Variants in SIK3 observed in about 807,000 individuals in gnomAD.
SIK3 encodes SIK family kinase 3, also known as serine/threonine-protein kinase SIK3.
In SIK3, 28 loss-of-function variants were observed where a neutral mutation model predicts 144.2. The ratio of observed to expected loss-of-function variants is 0.19; its 90% CI spans 0.14 to 0.27. The LOEUF is 0.27. SIK3 is among the 10% of genes least tolerant of loss of function. The pLI, the probability that SIK3 is intolerant of heterozygous loss-of-function variation, is 1.00. For missense variants in SIK3, 1,319 were observed against 1,776.0 expected, an observed-to-expected ratio of 0.74 and a Z score of 4.62; for synonymous variants, 686 against 676.3, an observed-to-expected ratio of 1.01 and a Z score of -0.22.
intron 1 of SIK3, among the ~76,000 whole-genome samples, chr11:116,984,881 T>A (rs1346730914): frequency 6.6e-6 from 1 of 152,200 alleles, no homozygotes; most frequent in Non-Finnish European, 1.5e-5. Context: ...TAGCCTTGGA[T>A]CTCTGTGTAT....
At chr11:117,059,626 A>G (rs1184323610) in intron 1 of SIK3, among the ~76,000 whole-genome samples, 2 of 152,216 alleles carry the variant, frequency 1.3e-5, no homozygotes, top group African/African-American at 4.8e-5. Flanking sequence ...AAGCACTGGT[A>G]TCCAAAATAT....
At chr11:117,074,943 AC>A (rs1260674692) in intron 1 of SIK3, among the ~76,000 whole-genome samples, 1 of 151,796 alleles carries the variant, frequency 6.6e-6, no homozygotes, top group African/African-American at 2.4e-5. Flanking sequence ...AAAAAAAAAA[AC>A]AACTCAAATG....
intron 1 of SIK3, among the ~76,000 whole-genome samples, chr11:116,965,734 AAT>A (rs58587995): frequency 3.3e-3 from 386 of 118,158 alleles, no homozygotes; most frequent in East Asian, 0.011. Context: ...TCTCTGCTAA[AAT>A]ATATATATAT....
intron 3 of SIK3, 152 bp from the exon 4 acceptor site, chr11:116,927,532 C>T (rs1947341573): frequency 7.7e-6 from 5 of 647,406 alleles, no homozygotes; most frequent in Non-Finnish European, 1.1e-5. Context: ...TCCTGGTTTG[C>T]ATCTATCAAA....
intron 1 of SIK3, among the ~76,000 whole-genome samples, chr11:117,070,129 C>T (rs1411834421): frequency 6.6e-6 from 1 of 152,178 alleles, no homozygotes; most frequent in African/African-American, 2.4e-5. Flanking sequence ...ACAAGGAGAA[C>T]TAGATGAGAA....
chr11:116,917,086 C>T (rs1354933405), intron 4 of SIK3, among the ~76,000 whole-genome samples: 1 of 152,088 alleles, frequency 6.6e-6, no homozygotes, highest in African/African-American at 2.4e-5. Flanking sequence ...TCTTGAGTAG[C>T]TGGGACTACA....
chr11:117,058,879 A>G (rs888316620), intron 1 of SIK3, among the ~76,000 whole-genome samples: 1 of 152,248 alleles, frequency 6.6e-6, no homozygotes, highest in African/African-American at 2.4e-5. Context: ...GTTAATCCAC[A>G]GCTGGAGATC....
chr11:116,996,411 A>G (rs957612228), intron 1 of SIK3, among the ~76,000 whole-genome samples: 4 of 152,254 alleles, frequency 2.6e-5, no homozygotes, highest in African/African-American at 9.6e-5. Flanking sequence ...GAAAATAAAA[A>G]AATATTATCT....
intron 1 of SIK3, among the ~76,000 whole-genome samples, chr11:117,041,137 A>G (rs1224948421): frequency 3.9e-5 from 6 of 152,142 alleles, no homozygotes; most frequent in Non-Finnish European, 8.8e-5. Flanking sequence ...AAAAAGAGAG[A>G]ATTCAGATCT....
chr11:116,857,807 T>C lies in SIK3; in HGVS notation c.3655+3A>G, dbSNP rs762196528. ...AGGACTTCCACTGTGAGGAGACACT[T>C]ACCTCTGCTGGGCACCTTATTTTTA... On this transcript the variant is annotated splice_donor_region_variant and intron_variant, in intron 21 of 24. Coordinates refer to ENST00000445177, the MANE Select transcript of SIK3 (RefSeq NM_001366686.3). 2.5e-6 allele frequency: 4 copies of C among 1,613,900 alleles called. No individual in the cohort carries two copies. The highest frequency in any genetic ancestry group is 3.3e-5 in the Admixed American group (2 of 59,994).
intron 1 of SIK3, among the ~76,000 whole-genome samples, chr11:116,983,803 G>A (rs1395809207): frequency 4.0e-5 from 6 of 151,374 alleles, no homozygotes; most frequent in East Asian, 2.0e-4. Flanking sequence ...AAGGAAGGCC[G>A]GGCATGAGGG....
intron 1 of SIK3, among the ~76,000 whole-genome samples, chr11:117,046,616 C>A (rs1265828643): frequency 2.0e-5 from 3 of 152,148 alleles, no homozygotes; most frequent in African/African-American, 7.2e-5. Flanking sequence ...AAGTGGCTCA[C>A]GCCCATAATC....
At chr11:116,897,067 C>T in intron 5 of SIK3, 126 bp downstream of exon 5, 2 of 863,378 alleles carry the variant, frequency 2.3e-6, no homozygotes, top group Non-Finnish European at 3.4e-6. Flanking sequence ...GGAATTGGGA[C>T]TTGAAAGAAC....
chr11:117,018,930 T>C (rs1951649891), intron 1 of SIK3, among the ~76,000 whole-genome samples: 2 of 152,104 alleles, frequency 1.3e-5, no homozygotes, highest in Non-Finnish European at 2.9e-5. Flanking sequence ...CAGGCTGGTC[T>C]TGAACTCCTG....
intron 6 of SIK3, 149 bp from the exon 7 acceptor site, chr11:116,877,191 T>G (rs975651291): frequency 4.5e-6 from 3 of 672,694 alleles, no homozygotes; most frequent in Non-Finnish European, 5.3e-6. Context: ...CCTATTCTGT[T>G]GCTTATGCCA....
intron 4 of SIK3, among the ~76,000 whole-genome samples, chr11:116,914,976 CA>C (rs1289811069): frequency 5.3e-5 from 8 of 152,106 alleles, no homozygotes; most frequent in Admixed American, 5.2e-4. Flanking sequence ...TACATTAGTA[CA>C]TTAAAAATTA....
chr11:116,904,945 T>G (rs1006924084), intron 4 of SIK3: 1 of 167,148 alleles, frequency 6.0e-6, no homozygotes, highest in Non-Finnish European at 1.5e-5. Flanking sequence ...CCAGCGGCTT[T>G]TAGCGCATTC....
At position 116,861,202 on chromosome 11, in the gene SIK3, C is replaced by T. The variant is rs1323088300; in HGVS notation, c.2425+72G>A. 5.9e-6 allele frequency: 7 copies of T among 1,196,078 alleles called. No individual in the cohort carries two copies. In the East Asian group the frequency reaches 1.2e-4, roughly 20 times the overall value. 74.1% of individuals were successfully genotyped at this position (1,196,078 alleles called of 1,614,324 possible). On this transcript the variant is annotated intron_variant, in intron 19 of 24. Coordinates refer to ENST00000445177, the MANE Select transcript of SIK3 (RefSeq NM_001366686.3). ...TCTGCCTTTCAAATGGTTTATGGTGCTCAAAACTGAGACCATCATTTTTTC... is the reference window on the plus strand; with the variant it reads ...TCTGCCTTTCAAATGGTTTATGGTGTTCAAAACTGAGACCATCATTTTTTC...
chr11:116,943,330 A>C (rs1297283897), intron 3 of SIK3, among the ~76,000 whole-genome samples: 1 of 152,192 alleles, frequency 6.6e-6, no homozygotes, highest in Non-Finnish European at 1.5e-5. Flanking sequence ...AGGGACAAAG[A>C]GGGCAAAGAA....
Sources: allele counts gnomAD v4.1 joint callset (sites outside exome capture counted in the v4.1 genomes callset), GRCh38; gene constraint gnomAD v4.1.1; transcripts MANE v1.5; gene names NCBI Gene and HGNC (gene_info 2026-07-23, HGNC 2026-07-21).